The following TF variants were observed in gnomAD, a reference collection of about 807,000 sequenced individuals.
TF encodes transferrin.
TF carries 55 observed loss-of-function variants against 82.4 expected under a neutral mutation model. That is an observed-to-expected ratio of 0.67 (90% CI 0.54 to 0.84). The LOEUF is 0.84. TF is among the 40% of genes least tolerant of loss of function. TF has a pLI of 0.00. For missense variants in TF, 737 were observed against 868.4 expected (o/e 0.85, Z 1.90); for synonymous variants, 332 against 332.6 (o/e 1.00, Z 0.02).
rs1156563022 is a variant in TF at position 133,789,062 on chromosome 3, A to C, written c.*10442A>C. On this transcript the variant is annotated 3_prime_UTR_variant, in exon 17 of 17. Transcript: ENST00000402696. Reference sequence around the variant, plus strand: ...GCAAAGCGGCACTGGTGCCCACGTAAGGTCAGAGATGCCTGACACTCTTAA... The same window carrying C: ...GCAAAGCGGCACTGGTGCCCACGTACGGTCAGAGATGCCTGACACTCTTAA... 6.6e-6 allele frequency: 1 copy of C among 152,254 alleles called. No homozygotes were observed. The highest frequency in any genetic ancestry group is 2.4e-5 in the African/African-American group (1 of 41,466). The allele number at this position is 152,254 out of a possible 1,614,324, so 9.4% of individuals were successfully genotyped here. A position where few individuals can be genotyped will look rare whatever the true frequency, so the allele number is the denominator to read the frequency against.
rs9813689 is a variant in TF at position 133,795,978 on chromosome 3, C to G, written c.*17358C>G. The G allele has an allele frequency of 6.6e-6, 1 of 151,940 alleles. No homozygotes were observed. Among genetic ancestry groups the G allele is most frequent in the Non-Finnish European group, 1.5e-5 (1 of 68,004 alleles). 9.4% of individuals were successfully genotyped at this position (151,940 alleles called of 1,614,324 possible). On this transcript the variant is annotated 3_prime_UTR_variant, in exon 17 of 17. Transcript: ENST00000402696. ...ACCAAACTAAACCAAAACGGAGTCA[C>G]GTATGCCAAGACCTTAAGGAAACAC...
chr3:133,694,745 C>A, the TF span, among the ~76,000 whole-genome samples: 7 of 152,302 alleles, frequency 4.6e-5, 1 homozygote, highest in African/African-American at 1.7e-4. Flanking sequence ...CCTCTCAGCC[C>A]CCTTGCAGGC....
intron 1 of TF, chr3:133,748,090 G>T (rs1441678813): frequency 1.7e-5 from 7 of 404,836 alleles, no homozygotes; most frequent in Non-Finnish European, 3.3e-5. Flanking sequence ...TCCATGGGGG[G>T]CCAGGGGCCA....
At chr3:133,691,504 G>A in the TF span, among the ~76,000 whole-genome samples, 1 of 152,198 alleles carries the variant, frequency 6.6e-6, no homozygotes, top group Non-Finnish European at 1.5e-5. Flanking sequence ...GGCTCAGAAG[G>A]AAAACAAAGT....
chr3:133,676,468 C>T, the TF span, among the ~76,000 whole-genome samples: 1 of 152,186 alleles, frequency 6.6e-6, no homozygotes, highest in East Asian at 1.9e-4. Flanking sequence ...TGTGAAGAGC[C>T]CTCCCTGGCT....
chr3:133,765,504 C>T (rs1282745631), intron 11 of TF, among the ~76,000 whole-genome samples: 2 of 152,206 alleles, frequency 1.3e-5, no homozygotes, highest in Non-Finnish European at 2.9e-5. Context: ...AGCACTGGCC[C>T]CCTATGCTCA....
chr3:133,744,116 C>A (rs1245311868), upstream of TF, among the ~76,000 whole-genome samples: 1 of 152,178 alleles, frequency 6.6e-6, no homozygotes, highest in African/African-American at 2.4e-5. Context: ...CTCAAAGGAC[C>A]CTTCTGAGGA....
In TF at chr3:133,756,346, G is replaced by T; in HGVS notation, c.691+9G>T. 1.2e-6 allele frequency: 2 copies of T among 1,613,962 alleles called. No individual in the cohort carries two copies. The highest frequency in any genetic ancestry group is 1.7e-6 in the Non-Finnish European group (2 of 1,179,924). ...GCACTCGACTATATTTGGTAAGAAT[G>T]GGACAAGAATCCACCAGGGCCACTC... On this transcript the variant is annotated intron_variant, in intron 6 of 16. Transcript: ENST00000402696.
At chr3:133,745,283 A>G (rs947016268), upstream of TF, among the ~76,000 whole-genome samples, 28 of 152,236 alleles carry the variant, frequency 1.8e-4, no homozygotes, top group Admixed American at 1.8e-3. Context: ...GTTGGATAAG[A>G]AGTAACTTTT....
In TF at chr3:133,794,827, T is replaced by C. The variant is rs2107958073; in HGVS notation, c.*16207T>C. On this transcript the variant is annotated 3_prime_UTR_variant, in exon 17 of 17. Transcript: ENST00000402696. ...CTTCTCTATTATCATGAGACTCTTA[T>C]CTTTGAATATTTTTTCCTTGCTTTT... The C allele has an allele frequency of 6.6e-6, 1 of 152,366 alleles. No individual in the cohort carries two copies. The highest frequency in any genetic ancestry group is 3.4e-3 in the Middle Eastern group (1 of 294). 9.4% of individuals were successfully genotyped at this position (152,366 alleles called of 1,614,324 possible).
At position 133,789,106 on chromosome 3, in the gene TF, G is replaced by T. The variant is rs1266098215; in HGVS notation, c.*10486G>T. ...CTCTTAAGACTGGACCCCAAAGGGG[G>T]ATTCCCCAGGGGATCCTCCAGACTT... On this transcript the variant is annotated 3_prime_UTR_variant, in exon 17 of 17. Transcript: ENST00000402696. 1 of 152,352 alleles carries T rather than the reference G, an allele frequency of 6.6e-6. No homozygotes were observed. The highest frequency in any genetic ancestry group is 1.5e-5 in the Non-Finnish European group (1 of 68,122). 9.4% of individuals were successfully genotyped at this position (152,352 alleles called of 1,614,324 possible).
rs766617933 is a variant in TF at position 133,783,626 on chromosome 3, CAAATA to C, written c.*5011_*5015del. The C allele has an allele frequency of 6.6e-6, 1 of 152,158 alleles. No homozygotes were observed. Among genetic ancestry groups the C allele is most frequent in the African/African-American group, 2.4e-5 (1 of 41,448 alleles). The allele number at this position is 152,158 out of a possible 1,614,324, so 9.4% of individuals were successfully genotyped here. ...AGAAGTCCTGTAAGACAAAAATAGA[CAAATA>C]AAATGTGAAGATTTTTAAGAAAGAA... On this transcript the variant is annotated 3_prime_UTR_variant, in exon 17 of 17. Transcript: ENST00000402696.
In TF at chr3:133,782,970, T is replaced by C. The variant is rs1310620198; in HGVS notation, c.*4350T>C. Reference sequence around the variant, plus strand: ...AGGTCGAGGCTGCAGTGAGCAGTGATTTGATCGTGCCACTGCACTCCAGCC... The same window carrying C: ...AGGTCGAGGCTGCAGTGAGCAGTGACTTGATCGTGCCACTGCACTCCAGCC... On this transcript the variant is annotated 3_prime_UTR_variant, in exon 17 of 17. Coordinates refer to ENST00000402696, the MANE Select transcript of TF (RefSeq NM_001063.4). 1 of 152,140 alleles carries C rather than the reference T, an allele frequency of 6.6e-6. No homozygotes were observed. Among genetic ancestry groups the C allele is most frequent in the Non-Finnish European group, 1.5e-5 (1 of 68,058 alleles). The allele number at this position is 152,140 out of a possible 1,614,324, so 9.4% of individuals were successfully genotyped here. A position where few individuals can be genotyped will look rare whatever the true frequency, so the allele number is the denominator to read the frequency against.
chr3:133,733,896 A>G, the TF span, among the ~76,000 whole-genome samples: 2 of 151,470 alleles, frequency 1.3e-5, no homozygotes, highest in South Asian at 4.2e-4. Flanking sequence ...TATTTATTCT[A>G]TTCTCGTTCC....
the TF span, among the ~76,000 whole-genome samples, chr3:133,734,419 G>A: frequency 3.3e-5 from 5 of 152,142 alleles, no homozygotes; most frequent in East Asian, 9.6e-4. Flanking sequence ...AAATGTTGAG[G>A]CTTGTCACAG....
the TF span, among the ~76,000 whole-genome samples, chr3:133,723,827 C>T: frequency 6.6e-6 from 1 of 151,758 alleles, no homozygotes; most frequent in African/African-American, 2.4e-5. Context: ...CACCACAGTC[C>T]CCAGAGTATG....
chr3:133,775,323 C>G, intron 14 of TF, 110 bp from the exon 15 acceptor site: 2 of 1,124,450 alleles, frequency 1.8e-6, no homozygotes, highest in Non-Finnish European at 2.7e-6. Context: ...GTGGGCACTT[C>G]TGCTGGCGAG....
the TF span, among the ~76,000 whole-genome samples, chr3:133,727,348 G>T: frequency 6.7e-6 from 1 of 150,036 alleles, no homozygotes; most frequent in Admixed American, 6.7e-5. Context: ...CCTGTATTGG[G>T]TGCATATATA....
intron 13 of TF, 131 bp downstream of exon 13, chr3:133,768,295 AC>A: frequency 7.7e-7 from 1 of 1,301,936 alleles, no homozygotes; most frequent in Non-Finnish European, 1.1e-6. Flanking sequence ...ATATTTCACA[AC>A]CAGATATAGA....
Sources: gnomAD v4.1 joint callset for allele counts (sites outside exome capture counted in the v4.1 genomes callset) on GRCh38, gnomAD v4.1.1 for gene constraint, MANE v1.5 for transcripts, NCBI Gene and HGNC (gene_info 2026-07-23, HGNC 2026-07-21) for gene names.